HIVEP2: variants seen among roughly 807,000 people sequenced by gnomAD.
HIVEP2 encodes transcription factor HIVEP2.
A neutral mutation model predicts 180.7 loss-of-function variants in HIVEP2; 14 were observed. The ratio of observed to expected loss-of-function variants is 0.08; its 90% CI spans 0.05 to 0.12. HIVEP2 has a LOEUF of 0.12. Ranked by LOEUF, HIVEP2 falls within the 10% of genes least tolerant of loss-of-function variation. HIVEP2 has a pLI of 1.00. For synonymous variants in HIVEP2, 1,184 were observed against 1,136.4 expected (o/e 1.04, Z -0.84); for missense variants, 2,579 against 3,008.5 (o/e 0.86, Z 3.34).
Position 142,943,649 on chromosome 6 carries a change from G to A in HIVEP2, c.-641+1450C>T, listed in dbSNP as rs529764445. On this transcript the variant is annotated intron_variant, in intron 1 of 9. Coordinates refer to ENST00000367603, the MANE Select transcript of HIVEP2 (RefSeq NM_006734.4). This position sits in a 1 kb window ranked among gnomAD's most constrained non-coding sequence, Gnocchi z 4.5. ...GGGCGAGTACCAATATTCATTTGGAGGTAAATTGAGTTATTTTTAAAATGG... is the reference window on the plus strand; with the variant it reads ...GGGCGAGTACCAATATTCATTTGGAAGTAAATTGAGTTATTTTTAAAATGG... Among the ~76,000 whole-genome samples the A allele has an allele frequency of 3.3e-5, 5 of 152,194 alleles. No homozygotes were observed. Among genetic ancestry groups the A allele is most frequent in the African/African-American group, 9.6e-5 (4 of 41,508 alleles).
chr6:142,759,553 T>G (rs1002324643), intron 9 of HIVEP2, among the ~76,000 whole-genome samples: 2 of 152,244 alleles, frequency 1.3e-5, no homozygotes, highest in African/African-American at 4.8e-5. Flanking sequence ...CCACTGGGAA[T>G]GCACTGCTGC....
intron 2 of HIVEP2, among the ~76,000 whole-genome samples, chr6:142,827,849 C>T (rs796896586): frequency 7.2e-5 from 11 of 152,278 alleles, no homozygotes; most frequent in African/African-American, 1.9e-4. Context: ...CTAAGACCAA[C>T]CCAAGCATAA....
chr6:142,902,139 G>A (rs936373720), intron 1 of HIVEP2, among the ~76,000 whole-genome samples: 3 of 152,088 alleles, frequency 2.0e-5, no homozygotes, highest in African/African-American at 7.2e-5. Flanking sequence ...TTAGGTGTGG[G>A]CTGACTTCCA....
At position 142,785,309 on chromosome 6, in the gene HIVEP2, C is replaced by CAAAAAAAAAAAAAAAAAAAAAAAAA. The variant is rs57458259; in HGVS notation, c.-527-1719_-527-1695dup. Among the ~76,000 whole-genome samples the CAAAAAAAAAAAAAAAAAAAAAAAAA allele has an allele frequency of 1.1e-4, 7 of 65,394 alleles. 1 individual carries two copies. The highest frequency in any genetic ancestry group is 2.4e-4 in the African/African-American group (5 of 20,550). 42.9% of individuals were successfully genotyped at this position (65,394 alleles called of 152,430 possible). ...GGCTAAAGTAAAGCATGGCATTCCTCAAAAAAAAAAAAAAAAAAAAAAAAA... is the reference window on the plus strand; with the variant it reads ...GGCTAAAGTAAAGCATGGCATTCCTCAAAAAAAAAAAAAAAAAAAAAAAAAAAAAAAAAAAAAAAAAAAAAAAAAA... On this transcript the variant is annotated intron_variant, in intron 2 of 9. Transcript: ENST00000367603.
chr6:142,776,719 G>A (rs1775711231), intron 3 of HIVEP2, among the ~76,000 whole-genome samples: 1 of 152,134 alleles, frequency 6.6e-6, no homozygotes, highest in Non-Finnish European at 1.5e-5. Flanking sequence ...TTGTTGTAGA[G>A]ATGAGCTCTT....
intron 1 of HIVEP2, among the ~76,000 whole-genome samples, chr6:142,906,609 C>T (rs958673575): frequency 2.6e-5 from 4 of 151,182 alleles, no homozygotes; most frequent in African/African-American, 9.7e-5. Flanking sequence ...GAAAAACAAC[C>T]CCAAAAGAAA....
At chr6:142,840,790 T>A (rs1028979682) in intron 1 of HIVEP2, among the ~76,000 whole-genome samples, 1 of 152,124 alleles carries the variant, frequency 6.6e-6, no homozygotes, top group Non-Finnish European at 1.5e-5. Flanking sequence ...GGCAAAAATA[T>A]GTTTATAATG....
chr6:142,911,095 CAG>C (rs1777390321), intron 1 of HIVEP2, among the ~76,000 whole-genome samples: 1 of 147,616 alleles, frequency 6.8e-6, no homozygotes, highest in African/African-American at 2.6e-5. Context: ...CACCTCTACC[CAG>C]AGAGTTTCCA....
chr6:142,792,066 C>G (rs1225807655), intron 2 of HIVEP2, among the ~76,000 whole-genome samples: 1 of 152,116 alleles, frequency 6.6e-6, no homozygotes, highest in Admixed American at 6.5e-5. Flanking sequence ...ATTGGAGAAA[C>G]AGTCTGTCTG....
chr6:142,928,450 A>AT (rs1413460810), intron 1 of HIVEP2, among the ~76,000 whole-genome samples: 1 of 152,088 alleles, frequency 6.6e-6, no homozygotes, highest in Non-Finnish European at 1.5e-5. Context: ...GGTTACTGAA[A>AT]TTTTTTTATA....
chr6:142,899,634 T>A (rs923520185), intron 1 of HIVEP2, among the ~76,000 whole-genome samples: 2 of 152,188 alleles, frequency 1.3e-5, no homozygotes, highest in African/African-American at 4.8e-5. Flanking sequence ...GCAGAAACAA[T>A]GAGGCAAGAA....
chr6:142,752,804 A>C lies in HIVEP2; in HGVS notation c.*303T>G, dbSNP rs1582823548. The stretch of plus-strand genomic sequence containing the variant: ...TTACAAAGCAGATACACAAATTCTA[A>C]AATATGTACAAATTACTGCTAAAAA... On this transcript the variant is annotated 3_prime_UTR_variant, in exon 10 of 10. Coordinates refer to ENST00000367603, the MANE Select transcript of HIVEP2 (RefSeq NM_006734.4). 3.8e-6 allele frequency: 1 copy of C among 260,550 alleles called. No individual in the cohort carries two copies. The highest frequency in any genetic ancestry group is 7.8e-5 in the East Asian group (1 of 12,796). The allele number at this position is 260,550 out of a possible 1,614,324, so 16.1% of individuals were successfully genotyped here. A position where few individuals can be genotyped will look rare whatever the true frequency, so the allele number is the denominator to read the frequency against.
chr6:142,771,418 C>G lies in HIVEP2; in HGVS notation c.3321G>C (p.Gln1107His), dbSNP rs375295171. 50 of 1,613,380 alleles carry G rather than the reference C, an allele frequency of 3.1e-5. No homozygotes were observed. The African/African-American group carries it at 3.7e-4, about 12-fold the overall frequency. Residue 1107 changes from glutamine (Q) to histidine (H), a missense_variant, in exon 5 of 10, where the codon CAG (glutamine) becomes CAC (histidine). Physicochemically the swap from Gln to His is conservative, Grantham distance 24. This residue lies in a region of HIVEP2 where 523 missense variants were observed against 577.0 expected (regional missense o/e 0.91). Transcript: ENST00000367603. This position sits in a 1 kb window ranked among gnomAD's most constrained non-coding sequence, Gnocchi z 5.4. Reference sequence around the variant, plus strand: ...GGAGGCCAGCATGCAGGTGCTCCAGCTGCTCTTGCTTCACGCTCTGATCCA... The same window carrying G: ...GGAGGCCAGCATGCAGGTGCTCCAGGTGCTCTTGCTTCACGCTCTGATCCA... ...VGMDQSVKQE[Q>H]LEHLHAGLRS...
At chr6:142,872,748 C>T (rs1312974384) in intron 1 of HIVEP2, among the ~76,000 whole-genome samples, 3 of 152,188 alleles carry the variant, frequency 2.0e-5, no homozygotes, top group Non-Finnish European at 2.9e-5. Flanking sequence ...CTAGCTACCT[C>T]TTTTCTGTAA....
At position 142,770,491 on chromosome 6, in the gene HIVEP2, G is replaced by A. The variant is rs374359675; in HGVS notation, c.4248C>T (p.Gly1416=). The change falls in exon 5 of 10, where the codon GGC becomes GGT. Residue 1416 remains glycine (G), a synonymous_variant. Coordinates refer to ENST00000367603, the MANE Select transcript of HIVEP2 (RefSeq NM_006734.4). The surrounding 1 kb of genome is among the most constrained non-coding windows in gnomAD (Gnocchi z 4.7). ...IWKAPQTLPL[G]LESSIPLCLP... is the part of the protein sequence containing the mutation. The stretch of plus-strand genomic sequence containing the variant: ...AACACAAGGGGATGGAGGATTCTAA[G>A]CCGAGGGGCAAAGTCTGAGGTGCTT... 18 of 1,614,078 alleles carry A rather than the reference G, an allele frequency of 1.1e-5. No homozygotes were observed. Among genetic ancestry groups the A allele is most frequent in the Middle Eastern group, 1.6e-4 (1 of 6,084 alleles).
intron 2 of HIVEP2, among the ~76,000 whole-genome samples, chr6:142,818,666 CA>C (rs1159524001): frequency 2.2e-3 from 50 of 22,580 alleles, no homozygotes; most frequent in African/African-American, 4.0e-3. Context: ...AAAACTCTGT[CA>C]AAAAAAAAAA....
In HIVEP2 at chr6:142,943,408, ATAAAGT is replaced by A. The variant is rs1193749402; in HGVS notation, c.-641+1685_-641+1690del. On this transcript the variant is annotated intron_variant, in intron 1 of 9. Transcript: ENST00000367603. The surrounding 1 kb of genome is among the most constrained non-coding windows in gnomAD (Gnocchi z 4.5). The stretch of plus-strand genomic sequence containing the variant: ...TATATCACTGGAGGAAACGTTTCTA[ATAAAGT>A]TAAATGGCCTTTTTCTAGGAGGACA... Among the ~76,000 whole-genome samples the A allele has an allele frequency of 1.3e-5, 2 of 152,224 alleles. No individual in the cohort carries two copies. The highest frequency in any genetic ancestry group is 1.5e-5 in the Non-Finnish European group (1 of 68,036).
chr6:142,756,546 G>C (rs1353758965), intron 9 of HIVEP2, among the ~76,000 whole-genome samples: 1 of 151,998 alleles, frequency 6.6e-6, no homozygotes, highest in Non-Finnish European at 1.5e-5. Context: ...AGATAACAAG[G>C]GATAGGAATG....
intron 2 of HIVEP2, among the ~76,000 whole-genome samples, chr6:142,818,756 A>AGAAT (rs1776934412): frequency 1.4e-5 from 2 of 146,902 alleles, no homozygotes; most frequent in African/African-American, 2.6e-5. Flanking sequence ...AAAGAAAGAA[A>AGAAT]GAAAGAAAGA....
Sources: gnomAD v4.1 joint callset for allele counts (sites outside exome capture counted in the v4.1 genomes callset) on GRCh38, gnomAD v4.1.1 for gene constraint, gnomAD v4.1.1 regional missense constraint, Gnocchi (gnomAD v3.1) non-coding constraint, MANE v1.5 for transcripts, NCBI Gene and HGNC (gene_info 2026-07-23, HGNC 2026-07-21) for gene names.